Variants in RECK observed in about 807,000 individuals in gnomAD.
The protein encoded by RECK is reversion-inducing cysteine-rich protein with Kazal motifs.
A neutral mutation model predicts 115.1 loss-of-function variants in RECK; 69 were observed. The ratio of observed to expected loss-of-function variants is 0.60; its 90% CI spans 0.49 to 0.73. The LOEUF (loss-of-function observed/expected upper bound fraction) is 0.73. Among genes scored for constraint, RECK ranks in the 30% least tolerant of loss-of-function variants. The pLI is 0.00. For synonymous variants in RECK, 414 were observed against 419.7 expected, an observed-to-expected ratio of 0.99 and a Z score of 0.17; for missense variants, 1,047 against 1,203.7, an observed-to-expected ratio of 0.87 and a Z score of 1.93.
chr9:36,101,400 A>G (rs933296082), intron 11 of RECK, among the ~76,000 whole-genome samples: 2 of 152,218 alleles, frequency 1.3e-5, no homozygotes, highest in African/African-American at 2.4e-5. Context: ...AAAGTTTTCC[A>G]AAACCAAGTT....
Position 36,091,840 on chromosome 9 carries a change from G to C in RECK, c.1085+497G>C, listed in dbSNP as rs187076705. Among the ~76,000 whole-genome samples, 353 of 152,252 alleles carry C rather than the reference G, an allele frequency of 2.3e-3. 1 individual carries two copies. The highest frequency in any genetic ancestry group is 4.2e-3 in the Non-Finnish European group (285 of 68,020). ...AAGGAGGCAAGAACTGAGCCTTGGAGCATATCAACAGTTAATGGTTGAAGA... is the reference window on the plus strand; with the variant it reads ...AAGGAGGCAAGAACTGAGCCTTGGACCATATCAACAGTTAATGGTTGAAGA... On this transcript the variant is annotated intron_variant, in intron 10 of 20. Transcript: ENST00000377966.
intron 6 of RECK, among the ~76,000 whole-genome samples, chr9:36,078,965 G>A (rs931287598): frequency 2.0e-5 from 3 of 151,822 alleles, no homozygotes; most frequent in East Asian, 1.9e-4. Flanking sequence ...GCATGATCTC[G>A]GCTCACTGCA....
At position 36,093,458 on chromosome 9, in the gene RECK, T is replaced by C. The variant is rs1588319874; in HGVS notation, c.1085+2115T>C. 2.6e-5 allele frequency among the ~76,000 whole-genome samples: 4 copies of C among 152,076 alleles called. No homozygotes were observed. In the East Asian group the frequency reaches 5.8e-4, roughly 22 times the overall value. On this transcript the variant is annotated intron_variant, in intron 10 of 20. Transcript: ENST00000377966. ...CAGGTAAAGATAGATATAGGTGAGA[T>C]ATGGAAGCTCTAAAAAAAACCACAT...
In RECK at chr9:36,118,740, G is replaced by A. The variant is rs767502571; in HGVS notation, c.2254-17G>A. ...ACATAGACATTTCCAGGCTAAATGTGATTTGTTTGCCCTCAGCCCTTTTGC... is the reference window on the plus strand; with the variant it reads ...ACATAGACATTTCCAGGCTAAATGTAATTTGTTTGCCCTCAGCCCTTTTGC... On this transcript the variant is annotated splice_polypyrimidine_tract_variant and intron_variant, in intron 17 of 20. Coordinates refer to ENST00000377966, the MANE Select transcript of RECK (RefSeq NM_021111.3). 1.2e-6 allele frequency: 2 copies of A among 1,610,972 alleles called. No homozygotes were observed. The highest frequency in any genetic ancestry group is 1.3e-5 in the African/African-American group (1 of 75,008).
chr9:36,066,715 T>G (rs576335101), intron 6 of RECK: 1 of 987,164 alleles, frequency 1.0e-6, no homozygotes, highest in East Asian at 7.0e-5. Flanking sequence ...TGGCTAACTG[T>G]GATAATTCCT....
intron 8 of RECK, chr9:36,086,210 A>G (rs914752261): frequency 2.0e-5 from 3 of 152,266 alleles, no homozygotes; most frequent in African/African-American, 7.2e-5. Context: ...TCGCTACTGT[A>G]CTATTTATGT....
At chr9:36,041,262 C>T (rs1820853130) in intron 1 of RECK, among the ~76,000 whole-genome samples, 1 of 152,144 alleles carries the variant, frequency 6.6e-6, no homozygotes, top group Admixed American at 6.5e-5. Context: ...AGGTATATAG[C>T]ACATAGTATG....
At chr9:36,105,549 A>T (rs911665392) in intron 13 of RECK, among the ~76,000 whole-genome samples, 2 of 152,244 alleles carry the variant, frequency 1.3e-5, no homozygotes, top group Admixed American at 1.3e-4. Flanking sequence ...TAATAATAAC[A>T]GTCTAAAACT....
At chr9:36,102,803 A>T (rs1823611629) in intron 12 of RECK, among the ~76,000 whole-genome samples, 5 of 151,962 alleles carry the variant, frequency 3.3e-5, no homozygotes. Context: ...AAAATACAAA[A>T]AAATCAGCCA....
At chr9:36,117,265 C>G in intron 17 of RECK, 88 bp downstream of exon 17, 1 of 1,049,726 alleles carries the variant, frequency 9.5e-7, no homozygotes, top group Non-Finnish European at 1.4e-6. Context: ...TAAGACCAGC[C>G]GAGGGTCTTC....
At chr9:36,040,708 CAA>C (rs200521883) in intron 1 of RECK, among the ~76,000 whole-genome samples, 135 of 151,406 alleles carry the variant, frequency 8.9e-4, no homozygotes, top group Middle Eastern at 3.5e-3. Context: ...AGGGTTGACT[CAA>C]GAGTAGAGTG....
At chr9:36,111,916 G>A (rs1356353129) in intron 15 of RECK, among the ~76,000 whole-genome samples, 2 of 151,174 alleles carry the variant, frequency 1.3e-5, no homozygotes, top group African/African-American at 4.9e-5. Context: ...TTGCAGATGA[G>A]CTATTCAGAG....
chr9:36,070,336 C>T (rs971052543), intron 6 of RECK, among the ~76,000 whole-genome samples: 37 of 152,138 alleles, frequency 2.4e-4, no homozygotes, highest in Admixed American at 1.6e-3. Flanking sequence ...GATTAGGAAT[C>T]CAGACTAAAG....
chr9:36,082,152 TTCTCTCTCTCTCTCTC>T (rs71508008), intron 7 of RECK, among the ~76,000 whole-genome samples: 9 of 113,714 alleles, frequency 7.9e-5, no homozygotes, highest in Admixed American at 6.5e-4. Context: ...CCTCCCTGCT[TTCTCTCTCTCTCTCTC>T]TCTCTCTCTC....
In RECK at chr9:36,037,016, C is replaced by G; in HGVS notation, c.18C>G (p.Ala6=). 11 of 1,435,166 alleles carry G rather than the reference C, an allele frequency of 7.7e-6. No individual in the cohort carries two copies. The highest frequency in any genetic ancestry group is 1.0e-5 in the Non-Finnish European group (11 of 1,091,346). The allele number at this position is 1,435,166 out of a possible 1,614,324, so 88.9% of individuals were successfully genotyped here. ...GCCCGGACATGGCGACCGTCCGGGC[C>G]TCTCTGCGAGGTGCGCTGCTCCTTC... is the stretch of plus-strand genomic sequence containing the variant. MATVR[A]SLRGALLLLL... Residue 6 remains alanine, a synonymous_variant, in exon 1 of 21, where the codon GCC becomes GCG. Transcript: ENST00000377966.
intron 10 of RECK, among the ~76,000 whole-genome samples, chr9:36,096,664 CA>C (rs148517658): frequency 0.02 from 2,998 of 152,182 alleles, 99 homozygotes; most frequent in African/African-American, 0.069. Context: ...ACACCCTACA[CA>C]AAAAACTGCT....
intron 18 of RECK, 121 bp from the exon 19 acceptor site, chr9:36,120,541 AG>A: frequency 1.4e-6 from 1 of 723,272 alleles, no homozygotes; most frequent in South Asian, 1.8e-5. Context: ...ATGAAGGTAC[AG>A]TCTTTGGGAA....
rs749998731 is a variant in RECK at position 36,083,471 on chromosome 9, A to G, written c.546A>G (p.Ala182=). The change falls in exon 8 of 21, where the codon GCA becomes GCG. Residue 182 remains alanine (A), a synonymous_variant. Transcript: ENST00000377966. ...CTCCTGGTCCATCTCAGATAAAAGCAGTGGAAAATTATTGCGCCTCTATTA... is the reference window on the plus strand; with the variant it reads ...CTCCTGGTCCATCTCAGATAAAAGCGGTGGAAAATTATTGCGCCTCTATTA... The part of the protein sequence containing the change: ...DSSPGPSQIK[A]VENYCASISP... 23 of 1,613,998 alleles carry G rather than the reference A, an allele frequency of 1.4e-5. No homozygotes were observed. The highest frequency in any genetic ancestry group is 1.9e-5 in the Non-Finnish European group (23 of 1,179,992).
intron 7 of RECK, 110 bp downstream of exon 7, chr9:36,080,748 T>G (rs1229795466): frequency 2.2e-6 from 2 of 911,946 alleles, no homozygotes; most frequent in African/African-American, 1.7e-5. Flanking sequence ...TGTATTTAGG[T>G]CATTCATGTA....
Sources: allele counts gnomAD v4.1 joint callset (sites outside exome capture counted in the v4.1 genomes callset), GRCh38; gene constraint gnomAD v4.1.1; transcripts MANE v1.5; gene names NCBI Gene and HGNC (gene_info 2026-07-23, HGNC 2026-07-21).